Variants in EIF4G3 observed in about 807,000 individuals in gnomAD.
EIF4G3 encodes eukaryotic translation initiation factor 4 gamma 3.
In EIF4G3, 34 loss-of-function variants were observed where a neutral mutation model predicts 186.4. The ratio of observed to expected loss-of-function variants is 0.18; its 90% CI spans 0.14 to 0.24. The LOEUF (loss-of-function observed/expected upper bound fraction) is 0.24, where lower values mean the gene tolerates loss of function less well. EIF4G3 is among the 10% of genes least tolerant of loss of function. The probability of loss-of-function intolerance (pLI) is 1.00; values close to 1 mark genes in which losing one functional copy is unlikely to be tolerated. For synonymous variants in EIF4G3, 673 were observed against 679.5 expected (o/e 0.99, Z 0.15); for missense variants, 1,536 against 1,948.5 (o/e 0.79, Z 3.99).
At chr1:21,059,043 G>A (rs751285490) in intron 3 of EIF4G3, among the ~76,000 whole-genome samples, 1 of 151,750 alleles carries the variant, frequency 6.6e-6, no homozygotes, top group Non-Finnish European at 1.5e-5. Flanking sequence ...TAATTAATCA[G>A]TTACTAAAAG....
intron 3 of EIF4G3, among the ~76,000 whole-genome samples, chr1:21,055,297 G>A (rs1239811507): frequency 6.6e-6 from 1 of 151,998 alleles, no homozygotes; most frequent in Non-Finnish European, 1.5e-5. Flanking sequence ...GTGAAATAAA[G>A]TGAAAATAAA....
intron 4 of EIF4G3, among the ~76,000 whole-genome samples, chr1:21,020,856 G>A (rs933814677): frequency 7.9e-5 from 12 of 151,930 alleles, no homozygotes; most frequent in Admixed American, 7.2e-4. Context: ...TTATAGAAAG[G>A]GTACGTATTT....
chr1:20,954,298 G>A (rs1231474806), intron 12 of EIF4G3, among the ~76,000 whole-genome samples: 1 of 151,996 alleles, frequency 6.6e-6, no homozygotes, highest in African/African-American at 2.4e-5. Context: ...AGCACTTTGG[G>A]AGGCCAAGGC....
At chr1:20,936,863 A>T (rs1291545670) in intron 14 of EIF4G3, among the ~76,000 whole-genome samples, 1 of 152,220 alleles carries the variant, frequency 6.6e-6, no homozygotes, top group African/African-American at 2.4e-5. Flanking sequence ...TGTTAACATT[A>T]CCAAAACATA....
chr1:21,132,584 C>T (rs1381897424), intron 2 of EIF4G3, among the ~76,000 whole-genome samples: 1 of 151,864 alleles, frequency 6.6e-6, no homozygotes, highest in African/African-American at 2.4e-5. Flanking sequence ...GGACCACAGG[C>T]ATATGCCACC....
intron 34 of EIF4G3, among the ~76,000 whole-genome samples, chr1:20,815,687 T>G (rs2060504457): frequency 7.3e-6 from 1 of 137,280 alleles, no homozygotes; most frequent in African/African-American, 2.8e-5. Context: ...AGCCGCCCCG[T>G]CCGGGAGGTG....
At chr1:21,157,024 C>T (rs1236371870) in intron 2 of EIF4G3, among the ~76,000 whole-genome samples, 1 of 152,080 alleles carries the variant, frequency 6.6e-6, no homozygotes, top group African/African-American at 2.4e-5. Context: ...TACCACTGCA[C>T]TCCAGCCTAG....
chr1:21,150,003 C>T (rs919084462), intron 2 of EIF4G3, among the ~76,000 whole-genome samples: 2 of 152,232 alleles, frequency 1.3e-5, no homozygotes, highest in Non-Finnish European at 2.9e-5. Context: ...AATTCCAATA[C>T]TCAGTGTCAT....
Position 20,892,812 on chromosome 1 carries a change from C to T in EIF4G3, c.2253+705G>A, listed in dbSNP as rs1024572331. On this transcript the variant is annotated intron_variant, in intron 18 of 36. Transcript: ENST00000602326. ...TATTTTAGGACACCTCAAAACAAAACAGGAATCTTATCAAGGTTGGCTCGC... is the reference window on the plus strand; with the variant it reads ...TATTTTAGGACACCTCAAAACAAAATAGGAATCTTATCAAGGTTGGCTCGC... 4.3e-6 allele frequency: 4 copies of T among 936,348 alleles called. No homozygotes were observed. The African/African-American group carries it at 6.6e-5, about 16-fold the overall frequency. The allele number at this position is 936,348 out of a possible 1,614,324, so 58.0% of individuals were successfully genotyped here. A position where few individuals can be genotyped will look rare whatever the true frequency, so the allele number is the denominator to read the frequency against.
chr1:21,139,146 G>C (rs912337628), intron 2 of EIF4G3, among the ~76,000 whole-genome samples: 1 of 152,068 alleles, frequency 6.6e-6, no homozygotes, highest in East Asian at 1.9e-4. Context: ...ACTTTATCAG[G>C]TCCCAAAACA....
intron 14 of EIF4G3, among the ~76,000 whole-genome samples, chr1:20,928,084 T>C (rs912892821): frequency 6.6e-6 from 1 of 152,060 alleles, no homozygotes; most frequent in Non-Finnish European, 1.5e-5. Flanking sequence ...GGTCTTGAAC[T>C]CTACAGGTGG....
intron 4 of EIF4G3, among the ~76,000 whole-genome samples, chr1:21,028,006 C>T (rs1297709705): frequency 6.6e-6 from 1 of 152,084 alleles, no homozygotes; most frequent in Non-Finnish European, 1.5e-5. Context: ...AACTTGAGGA[C>T]AATATGCTAA....
intron 20 of EIF4G3, among the ~76,000 whole-genome samples, chr1:20,873,349 T>C (rs2154553297): frequency 6.6e-6 from 1 of 152,334 alleles, no homozygotes; most frequent in African/African-American, 2.4e-5. Context: ...GCATATGAGA[T>C]ATGTATGTTT....
intron 4 of EIF4G3, among the ~76,000 whole-genome samples, chr1:21,044,534 T>C (rs2154575659): frequency 6.6e-6 from 1 of 152,308 alleles, no homozygotes; most frequent in East Asian, 1.9e-4. Flanking sequence ...TTTATCATGG[T>C]TAACAAGTGT....
intron 3 of EIF4G3, among the ~76,000 whole-genome samples, chr1:21,052,509 G>T (rs1050461755): frequency 3.3e-5 from 5 of 152,170 alleles, no homozygotes; most frequent in South Asian, 2.1e-4. Context: ...TGAAATACAG[G>T]TATAAAAATA....
At chr1:20,826,089 T>C (rs151303752) in intron 32 of EIF4G3, among the ~76,000 whole-genome samples, 1 of 152,368 alleles carries the variant, frequency 6.6e-6, no homozygotes, top group African/African-American at 2.4e-5. Context: ...GCTTATACTA[T>C]ATGAGAATTT....
chr1:20,909,778 A>ATT lies in EIF4G3; in HGVS notation c.1664-4809_1664-4808dup, dbSNP rs35293207. On this transcript the variant is annotated intron_variant, in intron 14 of 36. Coordinates refer to ENST00000602326, the MANE Select transcript of EIF4G3 (RefSeq NM_001391906.1). ...AAATTCTTATATAGTCAATCTGCTAATTTTTTTTTTTTTTTTTTTTGGAGA... is the reference window on the plus strand; with the variant it reads ...AAATTCTTATATAGTCAATCTGCTAATTTTTTTTTTTTTTTTTTTTTTGGAGA... Among the ~76,000 whole-genome samples, 200 of 129,320 alleles carry ATT rather than the reference A, an allele frequency of 1.5e-3. 4 individuals carry two copies. Among genetic ancestry groups the ATT allele is most frequent in the South Asian group, 5.3e-3 (21 of 3,990 alleles). The allele number at this position is 129,320 out of a possible 152,430, so 84.8% of individuals were successfully genotyped here.
At chr1:21,039,264 C>T (rs2154574810) in intron 4 of EIF4G3, among the ~76,000 whole-genome samples, 1 of 152,272 alleles carries the variant, frequency 6.6e-6, no homozygotes, top group South Asian at 2.1e-4. Context: ...CGAAGCCAGG[C>T]CTTTATCTTA....
At chr1:21,168,658 T>C (rs2097902816) in intron 2 of EIF4G3, among the ~76,000 whole-genome samples, 1 of 151,928 alleles carries the variant, frequency 6.6e-6, no homozygotes, top group Non-Finnish European at 1.5e-5. Context: ...ATTCCTAGAC[T>C]CAAGTGATCC....
Sources: allele counts gnomAD v4.1 joint callset (sites outside exome capture counted in the v4.1 genomes callset), GRCh38; gene constraint gnomAD v4.1.1; transcripts MANE v1.5; gene names NCBI Gene and HGNC (gene_info 2026-07-23, HGNC 2026-07-21).